The following STPG2 variants were observed in gnomAD, a reference collection of about 807,000 sequenced individuals.
The protein encoded by STPG2 is sperm tail PG-rich repeat containing 2, also known as sperm-tail PG-rich repeat-containing protein 2.
STPG2 carries 56 observed loss-of-function variants against 54.2 expected under a neutral mutation model. The ratio of observed to expected loss-of-function variants is 1.03; its 90% CI spans 0.83 to 1.29. The LOEUF (loss-of-function observed/expected upper bound fraction) is 1.29. STPG2 is among the 50% of genes most tolerant of loss of function. The pLI, the probability that STPG2 is intolerant of heterozygous loss-of-function variation, is 0.00. For missense variants in STPG2, 596 were observed against 544.9 expected, an observed-to-expected ratio of 1.09 and a Z score of -0.93; for synonymous variants, 200 against 181.8, an observed-to-expected ratio of 1.10 and a Z score of -0.81.
chr4:97,741,070 C>T (rs1283450680), intron 9 of STPG2, among the ~76,000 whole-genome samples: 4 of 152,214 alleles, frequency 2.6e-5, no homozygotes, highest in Non-Finnish European at 5.9e-5. Flanking sequence ...ATATCTACAA[C>T]TATCTGATCT....
At chr4:97,558,786 T>C, downstream of STPG2, 8 of 360,100 alleles carry the variant, frequency 2.2e-5, no homozygotes, top group South Asian at 2.5e-4. Flanking sequence ...AACTATGAGA[T>C]AATAAATGTT....
intron 8 of STPG2, among the ~76,000 whole-genome samples, chr4:97,842,518 TTTC>T (rs1486801258): frequency 6.6e-6 from 1 of 151,908 alleles, no homozygotes; most frequent in African/African-American, 2.4e-5. Flanking sequence ...ACACTTTAGT[TTTC>T]TTATCAGAAG....
intron 3 of STPG2, among the ~76,000 whole-genome samples, chr4:98,110,183 C>G (rs144361409): frequency 1.3e-5 from 2 of 151,784 alleles, no homozygotes; most frequent in Non-Finnish European, 2.9e-5. Context: ...AGAGCCCCCC[C>G]AGCCAAGAAT....
At chr4:97,937,310 A>C (rs752932747) in intron 8 of STPG2, among the ~76,000 whole-genome samples, 1 of 151,934 alleles carries the variant, frequency 6.6e-6, no homozygotes, top group Non-Finnish European at 1.5e-5. Context: ...GCTTCTTTGC[A>C]TTGGGTTAGA....
chr4:97,914,344 A>AC (rs1208666276), intron 8 of STPG2, among the ~76,000 whole-genome samples: 2 of 152,238 alleles, frequency 1.3e-5, no homozygotes, highest in African/African-American at 4.8e-5. Flanking sequence ...AGCATACTGA[A>AC]CTAAACTTAA....
chr4:97,970,620 A>G (rs553064565), intron 7 of STPG2, among the ~76,000 whole-genome samples: 1 of 152,348 alleles, frequency 6.6e-6, no homozygotes, highest in Admixed American at 6.5e-5. Flanking sequence ...TAGAAAGCTG[A>G]AACTGGATCC....
chr4:98,056,491 C>T (rs768195686), intron 5 of STPG2, among the ~76,000 whole-genome samples: 3 of 152,140 alleles, frequency 2.0e-5, no homozygotes, highest in Non-Finnish European at 4.4e-5. Flanking sequence ...AGAACAAAGT[C>T]GGGGACCAAT....
intron 7 of STPG2, among the ~76,000 whole-genome samples, chr4:97,969,142 C>CA (rs1421701405): frequency 2.0e-5 from 3 of 152,256 alleles, no homozygotes; most frequent in African/African-American, 7.2e-5. Flanking sequence ...CTGGTCTAAC[C>CA]AGTTGTCTAG....
intron 10 of STPG2, among the ~76,000 whole-genome samples, chr4:97,699,180 G>T (rs1723685057): frequency 6.6e-6 from 1 of 152,170 alleles, no homozygotes; most frequent in Admixed American, 6.5e-5. Context: ...GCACTCGACA[G>T]TGGCTGCAGC....
At chr4:97,836,456 G>C (rs1307650614) in intron 9 of STPG2, among the ~76,000 whole-genome samples, 1 of 151,782 alleles carries the variant, frequency 6.6e-6, no homozygotes, top group Non-Finnish European at 1.5e-5. Flanking sequence ...ATAGACTATA[G>C]TATAGTCTAA....
intron 5 of STPG2, among the ~76,000 whole-genome samples, chr4:98,099,989 T>A (rs191896375): frequency 3.9e-5 from 6 of 152,134 alleles, no homozygotes; most frequent in Admixed American, 3.9e-4. Flanking sequence ...CATACCTATA[T>A]CAAAATAGCT....
intron 9 of STPG2, among the ~76,000 whole-genome samples, chr4:97,790,132 G>A (rs1726947020): frequency 6.6e-6 from 1 of 151,912 alleles, no homozygotes; most frequent in Non-Finnish European, 1.5e-5. Flanking sequence ...GTAAACCCAT[G>A]TAGGCGGGGA....
chr4:98,134,624 G>A (rs138721564), intron 1 of STPG2, among the ~76,000 whole-genome samples, 165 bp from the exon 2 acceptor site: 2,009 of 150,784 alleles, frequency 0.013, 26 homozygotes, highest in Middle Eastern at 0.038. Flanking sequence ...TCTGATATAA[G>A]ATCAGAATTT....
chr4:97,873,077 C>A (rs955469051), intron 8 of STPG2, among the ~76,000 whole-genome samples: 27 of 151,294 alleles, frequency 1.8e-4, no homozygotes, highest in Admixed American at 6.6e-4. Context: ...TACACATATA[C>A]GTATGTACAC....
chr4:97,969,032 C>T (rs552211357), intron 7 of STPG2, among the ~76,000 whole-genome samples: 9 of 152,226 alleles, frequency 5.9e-5, no homozygotes, highest in Non-Finnish European at 8.8e-5. Flanking sequence ...GCATGAAGGG[C>T]GCCTGTTCAT....
chr4:97,949,559 C>T (rs1263462042), intron 7 of STPG2, among the ~76,000 whole-genome samples: 1 of 151,998 alleles, frequency 6.6e-6, no homozygotes, highest in East Asian at 1.9e-4. Context: ...GCTTTTGTTT[C>T]AAGATTTAGA....
chr4:97,952,519 A>C (rs1272939717), intron 7 of STPG2, among the ~76,000 whole-genome samples: 1 of 152,162 alleles, frequency 6.6e-6, no homozygotes, highest in Non-Finnish European at 1.5e-5. Context: ...CCTGAGAGCC[A>C]GGCCACTATG....
intron 9 of STPG2, among the ~76,000 whole-genome samples, chr4:97,742,519 C>CTGTGTGTGTG (rs150619013): frequency 2.5e-4 from 31 of 125,104 alleles, no homozygotes; most frequent in African/African-American, 7.4e-4. Flanking sequence ...AATGAATAAA[C>CTGTGTGTGTG]TGTGTGTGTG....
chr4:98,071,783 G>A (rs567088276), intron 5 of STPG2, among the ~76,000 whole-genome samples: 4 of 152,204 alleles, frequency 2.6e-5, no homozygotes, highest in African/African-American at 4.8e-5. Context: ...AGACATTCAC[G>A]TAGTCAACAA....
Sources: gnomAD v4.1 joint callset for allele counts (sites outside exome capture counted in the v4.1 genomes callset) on GRCh38, gnomAD v4.1.1 for gene constraint, MANE v1.5 for transcripts, NCBI Gene and HGNC (gene_info 2026-07-23, HGNC 2026-07-21) for gene names.